NCKAP5: variants seen among roughly 807,000 people sequenced by gnomAD.
NCKAP5 encodes the protein nck-associated protein 5.
NCKAP5 carries 92 observed loss-of-function variants against 167.0 expected under a neutral mutation model. The ratio of observed to expected loss-of-function variants is 0.55; its 90% CI spans 0.47 to 0.66. NCKAP5 has a LOEUF of 0.66. Among genes scored for constraint, NCKAP5 ranks in the 30% least tolerant of loss-of-function variants. The pLI, the probability that NCKAP5 is intolerant of heterozygous loss-of-function variation, is 0.00. For synonymous variants in NCKAP5, 891 were observed against 877.4 expected, an observed-to-expected ratio of 1.02 and a Z score of -0.27; for missense variants, 2,378 against 2,315.0, an observed-to-expected ratio of 1.03 and a Z score of -0.56.
At chr2:133,598,114 A>G in the NCKAP5 span, among the ~76,000 whole-genome samples, 2 of 152,096 alleles carry the variant, frequency 1.3e-5, no homozygotes, top group African/African-American at 4.8e-5. Context: ...GAGTTATTGA[A>G]CCTCTCTATG....
chr2:133,544,320 C>A (rs1457084591), intron 2 of NCKAP5, among the ~76,000 whole-genome samples: 2 of 152,228 alleles, frequency 1.3e-5, no homozygotes, highest in East Asian at 3.9e-4. Flanking sequence ...ATATATCATT[C>A]TTTTTAAAAA....
chr2:133,150,846 T>C (rs2083362823), intron 5 of NCKAP5, among the ~76,000 whole-genome samples: 1 of 152,148 alleles, frequency 6.6e-6, no homozygotes, highest in African/African-American at 2.4e-5. Context: ...CAAAGGTCCA[T>C]TAACACAGAT....
rs565800771 is a variant in NCKAP5 at position 133,453,326 on chromosome 2, T to C, written c.69+64132A>G. Among the ~76,000 whole-genome samples, 6 of 152,224 alleles carry C rather than the reference T, an allele frequency of 3.9e-5. 1 individual carries two copies. In the South Asian group the frequency reaches 1.2e-3, roughly 32 times the overall value. On this transcript the variant is annotated intron_variant, in intron 3 of 19. Transcript: ENST00000409261. ...ATAAAGAACCCTAGAATCCTCCATC[T>C]CCTTAATGCAACCAATAGTTTTAGA...
chr2:133,271,475 T>A (rs1329063854), intron 4 of NCKAP5, among the ~76,000 whole-genome samples: 1 of 152,136 alleles, frequency 6.6e-6, no homozygotes, highest in African/African-American at 2.4e-5. Context: ...AAAAAACATG[T>A]TTAATCTGAG....
chr2:133,143,396 T>A (rs2149846909), intron 5 of NCKAP5, among the ~76,000 whole-genome samples: 1 of 152,242 alleles, frequency 6.6e-6, no homozygotes, highest in Non-Finnish European at 1.5e-5. Context: ...AACGGTTCAG[T>A]GTACTGAACA....
At chr2:133,526,850 T>C (rs1273817222) in intron 2 of NCKAP5, among the ~76,000 whole-genome samples, 1 of 152,148 alleles carries the variant, frequency 6.6e-6, no homozygotes, top group Non-Finnish European at 1.5e-5. Flanking sequence ...ATACATTTTA[T>C]AAATAAATAA....
rs184240098 is a variant in NCKAP5, at chr2:132,761,886, C to G, written c.5128+11930G>C. Reference sequence around the variant, plus strand: ...TACATGTCAAGCCCAGCCTGCACCACTCATTGACCTGGGAGCTTTTTTTGA... The same window carrying G: ...TACATGTCAAGCCCAGCCTGCACCAGTCATTGACCTGGGAGCTTTTTTTGA... On this transcript the variant is annotated intron_variant, in intron 16 of 19. Transcript: ENST00000409261. Among the ~76,000 whole-genome samples, 8 of 152,310 alleles carry G rather than the reference C, an allele frequency of 5.3e-5. No individual in the cohort carries two copies. The East Asian group carries it at 1.4e-3, about 26-fold the overall frequency.
chr2:132,853,971 A>G (rs1488597769), intron 11 of NCKAP5, among the ~76,000 whole-genome samples: 2 of 152,134 alleles, frequency 1.3e-5, no homozygotes, highest in African/African-American at 2.4e-5. Flanking sequence ...GAGCCACTTC[A>G]TTTGTGAAAC....
intron 6 of NCKAP5, among the ~76,000 whole-genome samples, chr2:133,060,508 C>T (rs2079961822): frequency 6.6e-6 from 1 of 152,248 alleles, no homozygotes; most frequent in Non-Finnish European, 1.5e-5. Flanking sequence ...TTTTCATGGA[C>T]TAGATTGATC....
At chr2:133,519,962 C>T (rs554779739) in intron 2 of NCKAP5, among the ~76,000 whole-genome samples, 14 of 152,044 alleles carry the variant, frequency 9.2e-5, no homozygotes, top group East Asian at 3.9e-4. Flanking sequence ...CTGAGGCAGG[C>T]GGATCACGAA....
At chr2:133,416,222 C>A (rs887375970) in intron 3 of NCKAP5, among the ~76,000 whole-genome samples, 5 of 152,164 alleles carry the variant, frequency 3.3e-5, no homozygotes, top group Admixed American at 3.3e-4. Context: ...AGATGAAGAC[C>A]TTTCCTTCAG....
chr2:133,598,778 A>T, the NCKAP5 span, among the ~76,000 whole-genome samples: 2 of 152,200 alleles, frequency 1.3e-5, no homozygotes, highest in African/African-American at 4.8e-5. Context: ...CTTCCATTAC[A>T]AATGACCACA....
chr2:132,892,455 T>C (rs1003693604), intron 8 of NCKAP5, among the ~76,000 whole-genome samples: 2 of 152,186 alleles, frequency 1.3e-5, no homozygotes, highest in Non-Finnish European at 2.9e-5. Context: ...CTTTCAGAGA[T>C]ACAAATCTAT....
chr2:133,143,672 G>C (rs2083082165), intron 5 of NCKAP5, among the ~76,000 whole-genome samples: 1 of 152,094 alleles, frequency 6.6e-6, no homozygotes, highest in Admixed American at 6.6e-5. Flanking sequence ...ATAAGAGAGA[G>C]AGAGAAAAAG....
intron 2 of NCKAP5, among the ~76,000 whole-genome samples, chr2:133,552,727 C>A (rs1346037647): frequency 7.1e-6 from 1 of 140,992 alleles, no homozygotes; most frequent in Non-Finnish European, 1.5e-5. Flanking sequence ...CACATGTACC[C>A]TAAAACTTAA....
intron 3 of NCKAP5, among the ~76,000 whole-genome samples, chr2:133,344,699 G>GA (rs1339331480): frequency 1.3e-5 from 2 of 152,156 alleles, no homozygotes; most frequent in East Asian, 3.9e-4. Context: ...GATTGGATGT[G>GA]AAGAGGGTAA....
At chr2:133,348,751 T>A (rs1398094330) in intron 3 of NCKAP5, among the ~76,000 whole-genome samples, 1 of 152,176 alleles carries the variant, frequency 6.6e-6, no homozygotes, top group African/African-American at 2.4e-5. Context: ...GGTTAATAAG[T>A]GAAGGACAAT....
chr2:133,627,512 C>T, the NCKAP5 span, among the ~76,000 whole-genome samples: 12 of 152,116 alleles, frequency 7.9e-5, no homozygotes, highest in African/African-American at 1.4e-4. Context: ...CAGTGCTTCA[C>T]GCCTGTAATC....
At chr2:133,034,580 A>G (rs2078982669) in intron 6 of NCKAP5, among the ~76,000 whole-genome samples, 1 of 152,176 alleles carries the variant, frequency 6.6e-6, no homozygotes. Context: ...ACATAGTACA[A>G]TAAGATGTAA....
Sources: gnomAD v4.1 joint callset for allele counts (sites outside exome capture counted in the v4.1 genomes callset) on GRCh38, gnomAD v4.1.1 for gene constraint, MANE v1.5 for transcripts, NCBI Gene and HGNC (gene_info 2026-07-23, HGNC 2026-07-21) for gene names.